Variants in TNS3 observed in about 807,000 individuals in gnomAD.
TNS3 encodes the protein tensin 3, also known as tensin-3.
A neutral mutation model predicts 140.9 loss-of-function variants in TNS3; 45 were observed. The observed-to-expected ratio is 0.32, with a 90% CI of 0.25 to 0.41. TNS3 has a LOEUF of 0.41. Ranked by LOEUF, TNS3 falls within the 10% of genes least tolerant of loss-of-function variation. The probability of loss-of-function intolerance (pLI) is 1.00; values close to 1 mark genes in which losing one functional copy is unlikely to be tolerated. For synonymous variants in TNS3, 815 were observed against 788.4 expected, an observed-to-expected ratio of 1.03 and a Z score of -0.56; for missense variants, 1,716 against 1,906.7, an observed-to-expected ratio of 0.90 and a Z score of 1.86.
At chr7:47,493,823 G>C (rs2964961) in intron 3 of TNS3, among the ~76,000 whole-genome samples, 82,076 of 148,398 alleles carry the variant, frequency 0.55, 25,154 homozygotes, top group Middle Eastern at 0.67. Flanking sequence ...GCGAGACTCC[G>C]TCTCAAAAAA....
chr7:47,471,992 G>A (rs182930037), intron 4 of TNS3, among the ~76,000 whole-genome samples: 6 of 152,308 alleles, frequency 3.9e-5, no homozygotes, highest in Non-Finnish European at 7.4e-5. Context: ...AAACCAAGGC[G>A]GCAGGCTGCG....
chr7:47,514,751 C>A (rs932462362), intron 2 of TNS3, among the ~76,000 whole-genome samples: 5 of 152,136 alleles, frequency 3.3e-5, no homozygotes, highest in Admixed American at 2.6e-4. Context: ...AGCATTTATG[C>A]GTGGTCTGAC....
At chr7:47,529,424 T>C (rs1799315154) in intron 1 of TNS3, among the ~76,000 whole-genome samples, 1 of 152,214 alleles carries the variant, frequency 6.6e-6, no homozygotes, top group South Asian at 2.1e-4. Context: ...AAACATTACA[T>C]CAACCAACAT....
chr7:47,357,880 C>T (rs1233974465), intron 17 of TNS3, among the ~76,000 whole-genome samples: 4 of 152,182 alleles, frequency 2.6e-5, no homozygotes, highest in Non-Finnish European at 4.4e-5. Flanking sequence ...GGAAATGATA[C>T]GTCCACACAA....
chr7:47,509,971 C>G (rs145320946), intron 2 of TNS3, among the ~76,000 whole-genome samples: 3 of 152,248 alleles, frequency 2.0e-5, no homozygotes, highest in Non-Finnish European at 4.4e-5. Context: ...AGCACTAACA[C>G]GAGTAACAGG....
In TNS3 at chr7:47,303,028, C is replaced by A. The variant is rs755553657; in HGVS notation, c.3379G>T (p.Gly1127Trp). 1 of 1,613,952 alleles carries A rather than the reference C, an allele frequency of 6.2e-7. No individual in the cohort carries two copies. Among genetic ancestry groups the A allele is most frequent in the Non-Finnish European group, 8.5e-7 (1 of 1,180,002 alleles). The change falls in exon 22 of 31, where the codon GGG (glycine) becomes TGG (tryptophan). Residue 1127 changes from glycine to tryptophan, a missense_variant. By Grantham distance (184) the Gly-to-Trp change is radical. Coordinates refer to ENST00000311160, the MANE Select transcript of TNS3 (RefSeq NM_022748.12). Reference protein sequence around the residue: ...SSSGFSSPHSGSTISIPFPNV... With the variant: ...SSSGFSSPHSWSTISIPFPNV... ...GGGAAGGGGATACTGATGGTGCTCC[C>A]GCTGTGCGGGCTGGAGAAGCCACTG...
chr7:47,515,115 T>C (rs953919957), intron 2 of TNS3, among the ~76,000 whole-genome samples: 1 of 152,054 alleles, frequency 6.6e-6, no homozygotes, highest in Non-Finnish European at 1.5e-5. Flanking sequence ...GTTCCAAGAG[T>C]AGAGATAACA....
At chr7:47,440,111 A>G (rs939975972) in intron 5 of TNS3, among the ~76,000 whole-genome samples, 12 of 152,086 alleles carry the variant, frequency 7.9e-5, no homozygotes, top group African/African-American at 2.9e-4. Context: ...GAGGAAGCGG[A>G]GATGGTGTGA....
chr7:47,292,218 G>C (rs1785746712), intron 26 of TNS3, among the ~76,000 whole-genome samples, 186 bp from the exon 27 acceptor site: 1 of 152,216 alleles, frequency 6.6e-6, no homozygotes, highest in Non-Finnish European at 1.5e-5. Context: ...CTGAATAAAA[G>C]TAGAGATGAC....
intron 1 of TNS3, among the ~76,000 whole-genome samples, chr7:47,550,056 C>A (rs1800022578): frequency 6.7e-6 from 1 of 150,202 alleles, no homozygotes; most frequent in African/African-American, 2.4e-5. Flanking sequence ...AACATTGGTC[C>A]CCAAATGCAA....
At chr7:47,564,284 T>C (rs963312060) in intron 1 of TNS3, among the ~76,000 whole-genome samples, 5 of 151,524 alleles carry the variant, frequency 3.3e-5, no homozygotes, top group African/African-American at 1.2e-4. Flanking sequence ...ATCCAATCAG[T>C]TGAAGCCCTT....
At chr7:47,283,452 G>A (rs114510374) in intron 28 of TNS3, among the ~76,000 whole-genome samples, 1,931 of 152,252 alleles carry the variant, frequency 0.013, 25 homozygotes, top group South Asian at 0.031. Flanking sequence ...AACGCCAAAC[G>A]TCTTTTTTTA....
In TNS3 at chr7:47,297,067, G is replaced by A. The variant is rs374300230; in HGVS notation, c.3676+15C>T. 3 of 1,614,018 alleles carry A rather than the reference G, an allele frequency of 1.9e-6. No homozygotes were observed. The highest frequency in any genetic ancestry group is 2.2e-5 in the South Asian group (2 of 91,064). On this transcript the variant is annotated intron_variant, in intron 24 of 30. Transcript: ENST00000311160. ...TGGATGAGCTGAACAGATCAATAGG[G>A]AGCAGTAACCTTACCTTTCTTGTTC...
At chr7:47,490,055 C>A (rs911071914) in intron 3 of TNS3, among the ~76,000 whole-genome samples, 2 of 152,182 alleles carry the variant, frequency 1.3e-5, no homozygotes, top group African/African-American at 4.8e-5. Context: ...AAGAAAAACT[C>A]ATAAATCATA....
chr7:47,315,721 T>C (rs943269186), intron 20 of TNS3, among the ~76,000 whole-genome samples: 2 of 152,208 alleles, frequency 1.3e-5, no homozygotes, highest in African/African-American at 2.4e-5. Flanking sequence ...TAAACATTCA[T>C]GAGGGATCCA....
At chr7:47,519,602 G>A (rs756430049) in intron 2 of TNS3, among the ~76,000 whole-genome samples, 98 of 152,258 alleles carry the variant, frequency 6.4e-4, no homozygotes, top group Non-Finnish European at 9.3e-4. Context: ...TAGCCCAGCA[G>A]CCCGGTGGCA....
Position 47,303,429 on chromosome 7 carries a change from A to C in TNS3, c.2978T>G (p.Leu993Arg). ...PVLSCFPPSE[L>R]QAPFHSHELS... Reference sequence around the variant, plus strand: ...CTCATGGCTGTGGAAAGGAGCCTGGAGCTCTGACGGCGGGAAGCAGGACAG... The same window carrying C: ...CTCATGGCTGTGGAAAGGAGCCTGGCGCTCTGACGGCGGGAAGCAGGACAG... The change falls in exon 22 of 31, where the codon CTC becomes CGC. Residue 993 changes from leucine (L) to arginine (R), a missense_variant. Around this residue, in one of 3 missense-constraint regions of TNS3, gnomAD observed 1,163 missense variants for 1,182.1 expected, o/e 0.98. Coordinates refer to ENST00000311160, the MANE Select transcript of TNS3 (RefSeq NM_022748.12). 1 of 1,613,620 alleles carries C rather than the reference A, an allele frequency of 6.2e-7. No homozygotes were observed. The highest frequency in any genetic ancestry group is 1.3e-5 in the African/African-American group (1 of 75,048).
chr7:47,394,568 C>T (rs1440188197), intron 16 of TNS3, among the ~76,000 whole-genome samples: 1 of 152,240 alleles, frequency 6.6e-6, no homozygotes, highest in Admixed American at 6.5e-5. Context: ...TCTCCCTCTG[C>T]ATCTTCAGGA....
intron 1 of TNS3, among the ~76,000 whole-genome samples, chr7:47,562,197 T>C (rs1800330337): frequency 1.3e-5 from 2 of 152,178 alleles, no homozygotes; most frequent in Non-Finnish European, 2.9e-5. Flanking sequence ...TGACCCAGTG[T>C]ATGTCTCTGA....
Sources: allele counts gnomAD v4.1 joint callset (sites outside exome capture counted in the v4.1 genomes callset), GRCh38; gene constraint gnomAD v4.1.1; regional missense constraint gnomAD v4.1.1; transcripts MANE v1.5; gene names NCBI Gene and HGNC (gene_info 2026-07-23, HGNC 2026-07-21).